Variants in RBFOX1 observed in about 807,000 individuals in gnomAD.
RBFOX1 encodes the protein RNA binding fox-1 homolog 1, also known as RNA binding protein fox-1 homolog 1.
In RBFOX1, 8 loss-of-function variants were observed where a neutral mutation model predicts 57.7. The observed-to-expected ratio is 0.14, with a 90% CI of 0.08 to 0.25. The LOEUF (loss-of-function observed/expected upper bound fraction) is 0.25. Among genes scored for constraint, RBFOX1 ranks in the 10% least tolerant of loss-of-function variants. The probability of loss-of-function intolerance (pLI) is 1.00; values close to 1 mark genes in which losing one functional copy is unlikely to be tolerated. For missense variants in RBFOX1, 611 were observed against 548.5 expected, an observed-to-expected ratio of 1.11 and a Z score of -1.14; for synonymous variants, 326 against 222.4, an observed-to-expected ratio of 1.47 and a Z score of -4.15.
intron 2 of RBFOX1, among the ~76,000 whole-genome samples, chr16:5,537,379 G>T (rs2044742237): frequency 6.6e-6 from 1 of 152,170 alleles, no homozygotes; most frequent in Non-Finnish European, 1.5e-5. Context: ...TTGCTGCTGT[G>T]TCAAACTACC....
chr16:5,522,461 T>C (rs1368486127), intron 2 of RBFOX1, among the ~76,000 whole-genome samples: 1 of 152,246 alleles, frequency 6.6e-6, no homozygotes, highest in East Asian at 1.9e-4. Flanking sequence ...AGTATTTCAT[T>C]ACATGCATAG....
intron 2 of RBFOX1, among the ~76,000 whole-genome samples, chr16:6,514,746 C>G (rs192483986): frequency 1.3e-5 from 2 of 151,944 alleles, no homozygotes; most frequent in East Asian, 1.9e-4. Flanking sequence ...GGTAATTATT[C>G]TTATTGTAAT....
At chr16:6,001,361 A>G (rs1422631402) in intron 4 of RBFOX1, among the ~76,000 whole-genome samples, 5 of 152,326 alleles carry the variant, frequency 3.3e-5, no homozygotes. Context: ...TTGCCAGTAA[A>G]GAAACCACCA....
At chr16:5,516,824 C>T (rs947322303) in intron 2 of RBFOX1, among the ~76,000 whole-genome samples, 6 of 152,144 alleles carry the variant, frequency 3.9e-5, no homozygotes, top group African/African-American at 1.4e-4. Context: ...CTCTCTCCTG[C>T]TGCCCTATGA....
intron 1 of RBFOX1, among the ~76,000 whole-genome samples, chr16:6,218,635 A>G (rs2152873072): frequency 6.6e-6 from 1 of 152,210 alleles, no homozygotes; most frequent in Admixed American, 6.5e-5. Flanking sequence ...CTTGTTTTTA[A>G]TAAGAGGAAA....
At chr16:5,796,440 C>T (rs774835692) in intron 3 of RBFOX1, among the ~76,000 whole-genome samples, 4 of 152,112 alleles carry the variant, frequency 2.6e-5, no homozygotes, top group Admixed American at 6.6e-5. Context: ...GCCTCAAAAG[C>T]ATCACATGGG....
At chr16:5,653,612 G>A (rs777170256) in intron 3 of RBFOX1, among the ~76,000 whole-genome samples, 1 of 152,106 alleles carries the variant, frequency 6.6e-6, no homozygotes, top group Non-Finnish European at 1.5e-5. Context: ...CTCTCCCTCC[G>A]CTAACAGACC....
chr16:7,021,468 TTTATA>T (rs2039043398), intron 3 of RBFOX1, among the ~76,000 whole-genome samples: 1 of 146,092 alleles, frequency 6.8e-6, no homozygotes, highest in African/African-American at 2.5e-5. Context: ...TTTAATATAA[TTTATA>T]TTGTATATAT....
chr16:7,068,998 A>G (rs1441765874), intron 4 of RBFOX1, among the ~76,000 whole-genome samples: 1 of 152,228 alleles, frequency 6.6e-6, no homozygotes, highest in Non-Finnish European at 1.5e-5. Flanking sequence ...AAGCATTTGT[A>G]TGTGTCACTT....
At chr16:7,038,752 T>C (rs2045276531) in intron 3 of RBFOX1, among the ~76,000 whole-genome samples, 1 of 152,156 alleles carries the variant, frequency 6.6e-6, no homozygotes, top group African/African-American at 2.4e-5. Flanking sequence ...CATGTCTTGC[T>C]CAATGTTTGT....
intron 2 of RBFOX1, among the ~76,000 whole-genome samples, chr16:5,560,498 G>A (rs1485626672): frequency 1.3e-5 from 2 of 152,144 alleles, no homozygotes; most frequent in Non-Finnish European, 2.9e-5. Flanking sequence ...TCTGTAGACT[G>A]TAAACTCTAG....
intron 2 of RBFOX1, among the ~76,000 whole-genome samples, chr16:6,502,285 C>T (rs544615926): frequency 6.6e-6 from 1 of 152,204 alleles, no homozygotes; most frequent in African/African-American, 2.4e-5. Context: ...GACATCAGAA[C>T]CCCTGATCTA....
intron 1 of RBFOX1, among the ~76,000 whole-genome samples, chr16:5,355,745 G>A (rs956603561): frequency 6.6e-6 from 1 of 152,170 alleles, no homozygotes; most frequent in African/African-American, 2.4e-5. Flanking sequence ...GTCACAGGAT[G>A]AGATGGTCCT....
chr16:5,832,806 A>G (rs2151830304), intron 3 of RBFOX1, among the ~76,000 whole-genome samples: 1 of 152,306 alleles, frequency 6.6e-6, no homozygotes, highest in South Asian at 2.1e-4. Context: ...TGACTTTCCT[A>G]TACTCCAACT....
intron 3 of RBFOX1, among the ~76,000 whole-genome samples, chr16:6,933,239 G>A (rs995647194): frequency 2.0e-5 from 3 of 152,210 alleles, no homozygotes; most frequent in Non-Finnish European, 4.4e-5. Flanking sequence ...GCTTTCAGTT[G>A]TCTTGGGTGT....
chr16:5,940,625 C>T (rs2059260052), intron 4 of RBFOX1, among the ~76,000 whole-genome samples: 1 of 152,220 alleles, frequency 6.6e-6, no homozygotes, highest in Admixed American at 6.5e-5. Context: ...AAGACTCCTT[C>T]AGGAAGCAAT....
At chr16:6,076,304 A>T (rs559240456) in intron 1 of RBFOX1, among the ~76,000 whole-genome samples, 90 of 151,880 alleles carry the variant, frequency 5.9e-4, no homozygotes, top group African/African-American at 1.6e-3. Context: ...TGTCTCAAAA[A>T]AAAAAAACAA....
At chr16:7,155,405 A>G (rs968523441) in intron 4 of RBFOX1, among the ~76,000 whole-genome samples, 3 of 151,850 alleles carry the variant, frequency 2.0e-5, no homozygotes, top group Admixed American at 1.3e-4. Context: ...CCTGGGATAC[A>G]TGGAAAAACT....
intron 3 of RBFOX1, among the ~76,000 whole-genome samples, chr16:6,887,606 C>T (rs987562927): frequency 2.0e-5 from 3 of 151,526 alleles, no homozygotes; most frequent in Non-Finnish European, 4.4e-5. Flanking sequence ...TAGAGGTCTT[C>T]AGGAAGTTAG....
Sources: allele counts gnomAD v4.1 joint callset (sites outside exome capture counted in the v4.1 genomes callset), GRCh38; gene constraint gnomAD v4.1.1; transcripts MANE v1.5; gene names NCBI Gene and HGNC (gene_info 2026-07-23, HGNC 2026-07-21).